DOT1L: variants seen among roughly 807,000 people sequenced by gnomAD.
DOT1L encodes the protein histone-lysine N-methyltransferase, H3 lysine-79 specific.
In DOT1L, 33 loss-of-function variants were observed where a neutral mutation model predicts 153.3. The observed-to-expected ratio is 0.22, with a 90% CI of 0.16 to 0.29. The LOEUF (loss-of-function observed/expected upper bound fraction) is 0.29, where lower values mean the gene tolerates loss of function less well. Among genes scored for constraint, DOT1L ranks in the 10% least tolerant of loss-of-function variants. DOT1L has a pLI of 1.00. For missense variants in DOT1L, 1,847 were observed against 2,119.9 expected, an observed-to-expected ratio of 0.87 and a Z score of 2.53; for synonymous variants, 1,135 against 965.1, an observed-to-expected ratio of 1.18 and a Z score of -3.26.
chr19:2,230,250 G>A lies in DOT1L; in HGVS notation c.*458G>A, dbSNP rs772443187. Reference sequence around the variant, plus strand: ...GCCGAACCCCGTTCTCGGAAACGCCGCCCGGCCGGCTCCCCCGACGCGCTG... The same window carrying A: ...GCCGAACCCCGTTCTCGGAAACGCCACCCGGCCGGCTCCCCCGACGCGCTG... On this transcript the variant is annotated 3_prime_UTR_variant, in exon 28 of 28. Coordinates refer to ENST00000398665, the MANE Select transcript of DOT1L (RefSeq NM_032482.3). The A allele has an allele frequency of 7.2e-6, 3 of 417,020 alleles. No individual in the cohort carries two copies. The highest frequency in any genetic ancestry group is 1.3e-5 in the Non-Finnish European group (3 of 237,706). The allele number at this position is 417,020 out of a possible 1,614,324, so 25.8% of individuals were successfully genotyped here. A position where few individuals can be genotyped will look rare whatever the true frequency, so the allele number is the denominator to read the frequency against.
chr19:2,181,282 T>C (rs2022218593), intron 2 of DOT1L, among the ~76,000 whole-genome samples: 1 of 152,184 alleles, frequency 6.6e-6, no homozygotes, highest in Admixed American at 6.5e-5. Flanking sequence ...TCTCAGGTGC[T>C]CAGGGTCAGA....
In DOT1L at chr19:2,230,727, AAGAGG is replaced by A; in HGVS notation, c.*937_*941del. On this transcript the variant is annotated 3_prime_UTR_variant, in exon 28 of 28. Coordinates refer to ENST00000398665, the MANE Select transcript of DOT1L (RefSeq NM_032482.3). ...TTTTTAGATGGTATAATGCACAGTG[AAGAGG>A]AAAGAAAAGCGAGGGGAAAAAACCT... The A allele has an allele frequency of 2.5e-6, 1 of 397,758 alleles. No homozygotes were observed. Among genetic ancestry groups the A allele is most frequent in the East Asian group, 3.6e-5 (1 of 28,078 alleles). The allele number at this position is 397,758 out of a possible 1,614,324, so 24.6% of individuals were successfully genotyped here.
chr19:2,229,946 G>T lies in DOT1L; in HGVS notation c.*154G>T, dbSNP rs762691244. ...CTGTGAATCGGCGGCACGCGCCGCA[G>T]GAGGCTGGGACTGGTCCAGTTTGTA... On this transcript the variant is annotated 3_prime_UTR_variant, in exon 28 of 28. Coordinates refer to ENST00000398665, the MANE Select transcript of DOT1L (RefSeq NM_032482.3). 6.0e-6 allele frequency: 8 copies of T among 1,324,108 alleles called. No homozygotes were observed. Among genetic ancestry groups the T allele is most frequent in the Non-Finnish European group, 8.5e-6 (8 of 937,866 alleles). The allele number at this position is 1,324,108 out of a possible 1,614,324, so 82.0% of individuals were successfully genotyped here. A position where few individuals can be genotyped will look rare whatever the true frequency, so the allele number is the denominator to read the frequency against.
rs1217020906 is a variant in DOT1L at position 2,167,208 on chromosome 19, CAG to C, written c.81+2944_81+2945del. On this transcript the variant is annotated intron_variant, in intron 1 of 27. Transcript: ENST00000398665. ...GTCAGTGTTCGCGTGGCGAGGTTCTCAGGGGTGGACCGCACGGCCTGTGCTAA... is the reference window on the plus strand; with the variant it reads ...GTCAGTGTTCGCGTGGCGAGGTTCTCGGGTGGACCGCACGGCCTGTGCTAA... Among the ~76,000 whole-genome samples the C allele has an allele frequency of 1.2e-4, 19 of 152,168 alleles. 1 individual carries two copies. The highest frequency in any genetic ancestry group is 5.9e-4 in the Admixed American group (9 of 15,270).
At chr19:2,196,670 A>G (rs777903096) in intron 7 of DOT1L, among the ~76,000 whole-genome samples, 2 of 152,088 alleles carry the variant, frequency 1.3e-5, no homozygotes, top group African/African-American at 2.4e-5. Flanking sequence ...GTCGCCTGCA[A>G]ACACGGAGCT....
At position 2,197,919 on chromosome 19, in the gene DOT1L, A is replaced by G. The variant is rs917616236; in HGVS notation, c.652-1965A>G. 2.0e-5 allele frequency among the ~76,000 whole-genome samples: 3 copies of G among 151,694 alleles called. No individual in the cohort carries two copies. Among genetic ancestry groups the G allele is most frequent in the Non-Finnish European group, 4.4e-5 (3 of 67,912 alleles). On this transcript the variant is annotated intron_variant, in intron 7 of 27. Transcript: ENST00000398665. The surrounding 1 kb of genome is among the most constrained non-coding windows in gnomAD (Gnocchi z 4.1). The stretch of plus-strand genomic sequence containing the variant: ...AAACTTGCATCTGATATTGGAGGAA[A>G]CCCTCGGAGCAACTCTCTGTGGCTT...
At chr19:2,229,448 G>A (rs2024505568) in intron 27 of DOT1L, 8 of 985,472 alleles carry the variant, frequency 8.1e-6, no homozygotes, top group Non-Finnish European at 9.6e-6. Context: ...TCAGCCTGGC[G>A]GGTCAATGCG....
At position 2,200,048 on chromosome 19, in the gene DOT1L, G is replaced by T. The variant is rs537649917; in HGVS notation, c.707+109G>T. 6.1e-5 allele frequency: 86 copies of T among 1,403,796 alleles called. No individual in the cohort carries two copies. The South Asian group carries it at 9.5e-4, about 16-fold the overall frequency. The allele number at this position is 1,403,796 out of a possible 1,614,324, so 87.0% of individuals were successfully genotyped here. A position where few individuals can be genotyped will look rare whatever the true frequency, so the allele number is the denominator to read the frequency against. On this transcript the variant is annotated intron_variant, in intron 8 of 27. Transcript: ENST00000398665. ...GCCCCTCGCTCCTGTGCTGGCTGTGGCAGGAAAGAGGCCGGTGGGGACAGG... is the reference window on the plus strand; with the variant it reads ...GCCCCTCGCTCCTGTGCTGGCTGTGTCAGGAAAGAGGCCGGTGGGGACAGG...
At chr19:2,180,261 AGGCTGGAGCTCCCT>A (rs1411172232) in intron 1 of DOT1L, among the ~76,000 whole-genome samples, 21 of 152,174 alleles carry the variant, frequency 1.4e-4, no homozygotes. Flanking sequence ...ACTCCCAGCC[AGGCTGGAGCTCCCT>A]GGCTGGAGCA....
At chr19:2,181,260 G>A (rs1310959528) in intron 2 of DOT1L, among the ~76,000 whole-genome samples, 1 of 152,190 alleles carries the variant, frequency 6.6e-6, no homozygotes, top group East Asian at 1.9e-4. Context: ...ATGGTGGCCG[G>A]CATTCTGCGT....
rs2019807965 is a variant in DOT1L, at chr19:2,163,937, T to G, written c.-248T>G. ...GTTCCGCCCGGCCCCCGGCTCATTG[T>G]GCTCGCTTCACGCCGGCCCAAGATG... On this transcript the variant is annotated 5_prime_UTR_variant, in exon 1 of 28. Coordinates refer to ENST00000398665, the MANE Select transcript of DOT1L (RefSeq NM_032482.3). Among the ~76,000 whole-genome samples the G allele has an allele frequency of 6.7e-6, 1 of 149,568 alleles. No homozygotes were observed. Among genetic ancestry groups the G allele is most frequent in the Non-Finnish European group, 1.5e-5 (1 of 66,970 alleles).
Position 2,211,846 on chromosome 19 carries a change from G to T in DOT1L, c.1557+4G>T. 6.4e-7 allele frequency: 1 copy of T among 1,560,424 alleles called. No homozygotes were observed. ...GGAGCTGCTGGGCCAGGAGAAGGTG[G>T]GTCCTGGCCCCCTTGGCATTCCGCC... On this transcript the variant is annotated splice_donor_region_variant and intron_variant, in intron 16 of 27. Transcript: ENST00000398665.
intron 5 of DOT1L, among the ~76,000 whole-genome samples, chr19:2,192,124 G>A (rs2022821839): frequency 6.6e-6 from 1 of 152,156 alleles, no homozygotes; most frequent in Admixed American, 6.5e-5. Flanking sequence ...CTGCAGGCAC[G>A]CGAGCCCCAC....
chr19:2,186,620 G>A (rs1055491541), intron 3 of DOT1L, among the ~76,000 whole-genome samples: 2 of 152,196 alleles, frequency 1.3e-5, no homozygotes, highest in East Asian at 1.9e-4. Flanking sequence ...CTGGCTCTCC[G>A]GCCTCACTGG....
At chr19:2,227,307 G>T (rs1231149768) in intron 27 of DOT1L, 180 bp downstream of exon 27, 1 of 833,888 alleles carries the variant, frequency 1.2e-6, no homozygotes, top group African/African-American at 1.7e-5. Flanking sequence ...GAGGGCTCAC[G>T]CTGAGTCCGT....
At chr19:2,218,109 C>A (rs1312029930) in intron 22 of DOT1L, among the ~76,000 whole-genome samples, 191 bp downstream of exon 22, 1 of 152,218 alleles carries the variant, frequency 6.6e-6, no homozygotes, top group Non-Finnish European at 1.5e-5. Flanking sequence ...CAGTCTTTTT[C>A]TTTTGGGTGA....
At chr19:2,184,006 T>C (rs12974139) in intron 2 of DOT1L, among the ~76,000 whole-genome samples, 47,562 of 152,060 alleles carry the variant, frequency 0.31, 9,311 homozygotes, top group Non-Finnish European at 0.44. Flanking sequence ...CTATCGGCCA[T>C]GCCCCTGCTG....
At chr19:2,210,273 C>A in intron 12 of DOT1L, 127 bp from the exon 13 acceptor site, 3 of 869,618 alleles carry the variant, frequency 3.4e-6, no homozygotes, top group Non-Finnish European at 5.0e-6. Flanking sequence ...ATTTGTGCCA[C>A]AGAGGACTTG....
intron 7 of DOT1L, among the ~76,000 whole-genome samples, chr19:2,198,968 C>G (rs548586043): frequency 6.6e-6 from 1 of 152,132 alleles, no homozygotes; most frequent in Non-Finnish European, 1.5e-5. Flanking sequence ...TGCTGATGGA[C>G]GCTTGGCTGC....
Sources: allele counts gnomAD v4.1 joint callset (sites outside exome capture counted in the v4.1 genomes callset), GRCh38; gene constraint gnomAD v4.1.1; non-coding constraint Gnocchi (gnomAD v3.1); transcripts MANE v1.5; gene names NCBI Gene and HGNC (gene_info 2026-07-23, HGNC 2026-07-21).